PRKAR1A: variants seen among roughly 807,000 people sequenced by gnomAD.
The protein encoded by PRKAR1A is protein kinase cAMP-dependent type I regulatory subunit alpha.
In PRKAR1A, 3 loss-of-function variants were observed where a neutral mutation model predicts 52.0. The ratio of observed to expected loss-of-function variants is 0.06; its 90% CI spans 0.03 to 0.15. The LOEUF (loss-of-function observed/expected upper bound fraction) is 0.15, where lower values mean the gene tolerates loss of function less well. PRKAR1A is among the 10% of genes least tolerant of loss of function. PRKAR1A has a pLI of 1.00. For synonymous variants in PRKAR1A, 188 were observed against 168.4 expected, an observed-to-expected ratio of 1.12 and a Z score of -0.90; for missense variants, 240 against 477.4, an observed-to-expected ratio of 0.50 and a Z score of 4.63.
upstream of PRKAR1A, chr17:68,512,429 T>G (rs1219457784): frequency 6.5e-6 from 1 of 152,960 alleles, no homozygotes; most frequent in Non-Finnish European, 1.5e-5. Context: ...CCGTTTCCGG[T>G]GGAGCTGTCG....
the PRKAR1A span, among the ~76,000 whole-genome samples, chr17:68,481,212 C>G: frequency 6.6e-6 from 1 of 152,192 alleles, no homozygotes; most frequent in Non-Finnish European, 1.5e-5. Flanking sequence ...AGTCCCCAAC[C>G]TTTTTGGCAC....
chr17:68,429,936 T>G, the PRKAR1A span: 4 of 1,605,348 alleles, frequency 2.5e-6, no homozygotes, highest in Non-Finnish European at 3.4e-6. Flanking sequence ...ATTTTTGTGC[T>G]TTGGAAAAAT....
chr17:68,491,269 T>G, the PRKAR1A span, among the ~76,000 whole-genome samples: 1 of 152,096 alleles, frequency 6.6e-6, no homozygotes, highest in African/African-American at 2.4e-5. Context: ...TTTTTGTATT[T>G]TTATTAGAGA....
At chr17:68,468,983 T>G in the PRKAR1A span, among the ~76,000 whole-genome samples, 1 of 152,204 alleles carries the variant, frequency 6.6e-6, no homozygotes, top group African/African-American at 2.4e-5. Context: ...TTGTCTGACC[T>G]TATACTCTGG....
the PRKAR1A span, among the ~76,000 whole-genome samples, chr17:68,451,459 A>T: frequency 1.3e-5 from 2 of 152,216 alleles, no homozygotes; most frequent in African/African-American, 4.8e-5. Flanking sequence ...AACACTAGTG[A>T]CTAGACTGCA....
At chr17:68,501,473 T>G in the PRKAR1A span, among the ~76,000 whole-genome samples, 1 of 152,170 alleles carries the variant, frequency 6.6e-6, no homozygotes, top group Non-Finnish European at 1.5e-5. Flanking sequence ...TCTCTCTTTT[T>G]GAGACACGGT....
chr17:68,428,682 A>G, the PRKAR1A span: 1 of 629,158 alleles, frequency 1.6e-6, no homozygotes, highest in Admixed American at 2.5e-5. Flanking sequence ...CCCGGTGCAG[A>G]GCACTTGCCC....
At chr17:68,506,036 T>C in the PRKAR1A span, among the ~76,000 whole-genome samples, 2 of 152,244 alleles carry the variant, frequency 1.3e-5, no homozygotes, top group Non-Finnish European at 2.9e-5. Context: ...TCAGTGTTCA[T>C]AAATTTTTAT....
intron 11 of PRKAR1A, chr17:68,542,835 T>C: frequency 1.9e-6 from 3 of 1,554,358 alleles, no homozygotes; most frequent in Non-Finnish European, 2.7e-6. Context: ...CTCTGTTCCA[T>C]CTGAGGGATG....
At chr17:68,499,368 A>AAGAGAGAGAGAGAGAGAGAGAGAG in the PRKAR1A span, among the ~76,000 whole-genome samples, 9 of 140,492 alleles carry the variant, frequency 6.4e-5, no homozygotes, top group African/African-American at 1.0e-4. Context: ...AAGGGAGGAA[A>AAGAGAGAGAGAGAGAGAGAGAGAG]AGAGAGAGAG....
intron 11 of PRKAR1A, among the ~76,000 whole-genome samples, chr17:68,544,066 G>C (rs977964671): frequency 2.0e-5 from 3 of 152,176 alleles, no homozygotes; most frequent in African/African-American, 7.2e-5. Context: ...CAGAAGAGAG[G>C]GGAATGGTTA....
the PRKAR1A span, among the ~76,000 whole-genome samples, chr17:68,430,958 TA>T: frequency 6.6e-6 from 1 of 152,156 alleles, no homozygotes; most frequent in East Asian, 1.9e-4. Flanking sequence ...ACCAATGGGC[TA>T]GGGGGTCTTT....
chr17:68,522,528 G>GC (rs1313519725), intron 2 of PRKAR1A, among the ~76,000 whole-genome samples: 1 of 152,114 alleles, frequency 6.6e-6, no homozygotes, highest in Non-Finnish European at 1.5e-5. Flanking sequence ...AATGACTTTT[G>GC]CCCATTAATA....
chr17:68,436,419 G>A, the PRKAR1A span: 1 of 1,614,062 alleles, frequency 6.2e-7, no homozygotes, highest in Non-Finnish European at 8.5e-7. Context: ...CTCCCCTGAA[G>A]TCAGGCTTCC....
At chr17:68,537,942 T>C (rs553049156), downstream of PRKAR1A, among the ~76,000 whole-genome samples, 3 of 152,306 alleles carry the variant, frequency 2.0e-5, no homozygotes, top group African/African-American at 7.2e-5. The surrounding 1 kb of genome is among the most constrained non-coding windows in gnomAD (Gnocchi z 4.2). Flanking sequence ...CTTTGCCCAA[T>C]TGCGATTTGG....
At chr17:68,435,502 G>T in the PRKAR1A span, 10 of 971,924 alleles carry the variant, frequency 1.0e-5, no homozygotes, top group African/African-American at 1.6e-5. Flanking sequence ...AACAAATTCT[G>T]AGTGGGCCCA....
chr17:68,525,082 C>A (rs1339307217), intron 6 of PRKAR1A, 124 bp downstream of exon 6: 3 of 787,432 alleles, frequency 3.8e-6, no homozygotes, highest in Non-Finnish European at 6.4e-6. Flanking sequence ...TTTATTAATA[C>A]CTTTTGCCAA....
chr17:68,439,905 G>C, the PRKAR1A span, among the ~76,000 whole-genome samples: 2 of 152,174 alleles, frequency 1.3e-5, no homozygotes, highest in Non-Finnish European at 2.9e-5. Flanking sequence ...CTTTGTGGCA[G>C]AGAGAGCTAA....
the PRKAR1A span, among the ~76,000 whole-genome samples, chr17:68,466,713 T>C: frequency 1.3e-5 from 2 of 152,086 alleles, no homozygotes; most frequent in Admixed American, 6.5e-5. Context: ...TGCCCAACCA[T>C]GTTTTCTCCT....
Sources: allele counts gnomAD v4.1 joint callset (sites outside exome capture counted in the v4.1 genomes callset), GRCh38; gene constraint gnomAD v4.1.1; non-coding constraint Gnocchi (gnomAD v3.1); transcripts MANE v1.5; gene names NCBI Gene and HGNC (gene_info 2026-07-23, HGNC 2026-07-21).